FNDC3A: variants seen among roughly 807,000 people sequenced by gnomAD.
FNDC3A encodes fibronectin type-III domain-containing protein 3A.
Under a neutral mutation model 148.9 loss-of-function variants are expected in FNDC3A, and 32 were observed. That is an observed-to-expected ratio of 0.21 (90% CI 0.16 to 0.29). The LOEUF (loss-of-function observed/expected upper bound fraction) is 0.29, where lower values mean the gene tolerates loss of function less well. Among genes scored for constraint, FNDC3A ranks in the 10% least tolerant of loss-of-function variants. The probability of loss-of-function intolerance (pLI) is 1.00; values close to 1 mark genes in which losing one functional copy is unlikely to be tolerated. For synonymous variants in FNDC3A, 472 were observed against 473.6 expected (o/e 1.00, Z 0.04); for missense variants, 1,191 against 1,452.8 (o/e 0.82, Z 2.93).
At chr13:49,191,767 T>C (rs543180523) in intron 19 of FNDC3A, among the ~76,000 whole-genome samples, 1 of 152,312 alleles carries the variant, frequency 6.6e-6, no homozygotes, top group Non-Finnish European at 1.5e-5. Context: ...TTTTTGAGGC[T>C]AAAGTAGCAT....
chr13:49,152,767 T>C (rs1159947747), intron 8 of FNDC3A, among the ~76,000 whole-genome samples: 2 of 148,418 alleles, frequency 1.3e-5, no homozygotes, highest in Non-Finnish European at 3.0e-5. Context: ...GAATATGCGG[T>C]GTTTGGTTTT....
chr13:49,205,756 A>G (rs764429793), intron 25 of FNDC3A, among the ~76,000 whole-genome samples: 1 of 152,214 alleles, frequency 6.6e-6, no homozygotes, highest in Non-Finnish European at 1.5e-5. Context: ...TTTCAGATTT[A>G]TCTTAAAGCT....
In FNDC3A at chr13:49,000,027, A is replaced by G. The variant is rs145648524; in HGVS notation, c.-39-6125A>G. The stretch of plus-strand genomic sequence containing the variant: ...ATTTGTAAATGTTTTCTTCCATTCC[A>G]TAGATTACCTCTTTACTCTGTTGAT... On this transcript the variant is annotated intron_variant, in intron 1 of 25. Transcript: ENST00000492622. Among the ~76,000 whole-genome samples, 12 of 152,286 alleles carry G rather than the reference A, an allele frequency of 7.9e-5. No individual in the cohort carries two copies. In the East Asian group the frequency reaches 1.5e-3, roughly 20 times the overall value.
At chr13:49,164,877 T>G (rs1253700364) in intron 8 of FNDC3A, among the ~76,000 whole-genome samples, 1 of 152,202 alleles carries the variant, frequency 6.6e-6, no homozygotes, top group Non-Finnish European at 1.5e-5. Context: ...AAGTTTATCT[T>G]TGTCTCACTG....
intron 5 of FNDC3A, 143 bp downstream of exon 5, chr13:49,131,517 T>G: frequency 1.5e-6 from 1 of 669,488 alleles, no homozygotes; most frequent in Non-Finnish European, 2.6e-6. Context: ...AGTACTATAT[T>G]AGGTGCTTCA....
intron 2 of FNDC3A, among the ~76,000 whole-genome samples, chr13:49,038,825 A>G (rs1393976648): frequency 6.6e-6 from 1 of 152,170 alleles, no homozygotes; most frequent in African/African-American, 2.4e-5. Context: ...AAGTTAACTT[A>G]TATCTGTAAA....
At chr13:49,032,836 C>T (rs527886803) in intron 2 of FNDC3A, among the ~76,000 whole-genome samples, 3 of 152,006 alleles carry the variant, frequency 2.0e-5, no homozygotes, top group Middle Eastern at 6.8e-3. Context: ...TACTAAAAAC[C>T]ATGAAATTAT....
chr13:49,133,057 C>T (rs1299288459), intron 5 of FNDC3A, among the ~76,000 whole-genome samples: 1 of 152,132 alleles, frequency 6.6e-6, no homozygotes, highest in Non-Finnish European at 1.5e-5. Flanking sequence ...CACAACACAG[C>T]CTGTAAATAG....
intron 2 of FNDC3A, among the ~76,000 whole-genome samples, chr13:49,022,032 G>T (rs938202733): frequency 6.6e-6 from 1 of 152,084 alleles, no homozygotes; most frequent in Non-Finnish European, 1.5e-5. Flanking sequence ...TTGTAAAAAG[G>T]TATTTTTTTC....
At chr13:49,167,327 T>C (rs763499375) in intron 9 of FNDC3A, 24 bp downstream of exon 9, 17 of 1,463,474 alleles carry the variant, frequency 1.2e-5, no homozygotes, top group South Asian at 1.3e-5. Context: ...ACAGATTGCC[T>C]TTATAAGATA....
intron 4 of FNDC3A, among the ~76,000 whole-genome samples, chr13:49,124,109 A>G (rs1881539249): frequency 6.6e-6 from 1 of 152,224 alleles, no homozygotes; most frequent in Non-Finnish European, 1.5e-5. Flanking sequence ...CATCAGTGAT[A>G]GACTGGATAA....
chr13:48,989,685 C>T (rs1951873456), intron 1 of FNDC3A, among the ~76,000 whole-genome samples: 1 of 151,228 alleles, frequency 6.6e-6, no homozygotes, highest in Non-Finnish European at 1.5e-5. Flanking sequence ...AACCAATAAG[C>T]ACAATAAGCA....
chr13:49,034,308 A>G (rs896430999), intron 2 of FNDC3A, among the ~76,000 whole-genome samples: 1 of 152,208 alleles, frequency 6.6e-6, no homozygotes, highest in Admixed American at 6.5e-5. Context: ...TTTTACAGAC[A>G]CTAATTATCA....
At position 49,136,531 on chromosome 13, in the gene FNDC3A, A is replaced by G; in HGVS notation, c.690A>G (p.Ile230Met). Residue 230 changes from isoleucine to methionine, a missense_variant, in exon 6 of 26, where the codon ATA becomes ATG. Physicochemically the swap from Ile to Met is conservative, Grantham distance 10 (BLOSUM62 1). This residue lies in a region of FNDC3A where 426 missense variants were observed against 473.2 expected (regional missense o/e 0.90). Coordinates refer to ENST00000492622, the MANE Select transcript of FNDC3A (RefSeq NM_001079673.2). ...GLIKGQIAGG[I>M]NTGSAKIKSG... is the part of the protein sequence containing the mutation. ...TAAAAGGACAAATTGCTGGTGGTAT[A>G]AACACAGGATCAGCAAAAATCAAGT... 2.5e-6 allele frequency: 4 copies of G among 1,614,180 alleles called. No individual in the cohort carries two copies. The highest frequency in any genetic ancestry group is 3.4e-6 in the Non-Finnish European group (4 of 1,180,004).
intron 23 of FNDC3A, among the ~76,000 whole-genome samples, chr13:49,200,707 T>C (rs1335266731): frequency 6.6e-6 from 1 of 152,106 alleles, no homozygotes; most frequent in Non-Finnish European, 1.5e-5. Flanking sequence ...GGTATGAATA[T>C]GGCTCATGGC....
At chr13:49,042,995 A>T (rs906970881) in intron 2 of FNDC3A, among the ~76,000 whole-genome samples, 4 of 152,016 alleles carry the variant, frequency 2.6e-5, no homozygotes, top group Non-Finnish European at 5.9e-5. Context: ...TCATTCTGTC[A>T]CCAAGACTGG....
At chr13:49,052,386 G>A (rs1052378954) in intron 2 of FNDC3A, among the ~76,000 whole-genome samples, 1 of 152,072 alleles carries the variant, frequency 6.6e-6, no homozygotes, top group South Asian at 2.1e-4. Flanking sequence ...CTTTGATGTG[G>A]TATTCTCCCT....
intron 4 of FNDC3A, among the ~76,000 whole-genome samples, chr13:49,130,582 C>A (rs1053747592): frequency 6.6e-6 from 1 of 152,074 alleles, no homozygotes; most frequent in African/African-American, 2.4e-5. Flanking sequence ...AGTATCATAA[C>A]TTATTAGGTT....
At position 49,198,153 on chromosome 13, in the gene FNDC3A, C is replaced by A; in HGVS notation, c.2662C>A (p.His888Asn). 1 of 1,614,178 alleles carries A rather than the reference C, an allele frequency of 6.2e-7. No homozygotes were observed. The highest frequency in any genetic ancestry group is 8.5e-7 in the Non-Finnish European group (1 of 1,180,010). Residue 888 changes from histidine to asparagine, a missense_variant, in exon 22 of 26, where the codon CAT becomes AAT. Transcript: ENST00000492622. Reference protein sequence around the residue: ...LAISWEKPCDHGSEILAYSID... With the variant: ...LAISWEKPCDNGSEILAYSID... ...AATAAGCTGGGAAAAGCCTTGTGAT[C>A]ATGGTTCGGAAATCCTTGCCTACAG... is the stretch of plus-strand genomic sequence containing the variant.
Sources: gnomAD v4.1 joint callset for allele counts (sites outside exome capture counted in the v4.1 genomes callset) on GRCh38, gnomAD v4.1.1 for gene constraint, gnomAD v4.1.1 regional missense constraint, MANE v1.5 for transcripts, NCBI Gene and HGNC (gene_info 2026-07-23, HGNC 2026-07-21) for gene names.